Variants in RBM47 observed in about 807,000 individuals in gnomAD.
RBM47 encodes RNA-binding protein 47.
In RBM47, 21 loss-of-function variants were observed where a neutral mutation model predicts 47.1. The ratio of observed to expected loss-of-function variants is 0.45; its 90% CI spans 0.32 to 0.64. The LOEUF is 0.64. Ranked by LOEUF, RBM47 falls within the 30% of genes least tolerant of loss-of-function variation. The pLI is 0.05. For synonymous variants in RBM47, 375 were observed against 361.7 expected, an observed-to-expected ratio of 1.04 and a Z score of -0.42; for missense variants, 708 against 870.9, an observed-to-expected ratio of 0.81 and a Z score of 2.35.
intron 2 of RBM47, among the ~76,000 whole-genome samples, chr4:40,494,633 T>G (rs1171248096): frequency 6.6e-6 from 1 of 152,084 alleles, no homozygotes; most frequent in Non-Finnish European, 1.5e-5. Flanking sequence ...GGCTCTCAGG[T>G]GTAGCCCATA....
chr4:40,541,284 G>A (rs384210), intron 2 of RBM47, among the ~76,000 whole-genome samples: 30,255 of 149,392 alleles, frequency 0.2, 3,549 homozygotes, highest in African/African-American at 0.31. Context: ...AAAAAAAATC[G>A]CATCAAATTT....
At chr4:40,601,155 A>G (rs1000747289) in intron 1 of RBM47, among the ~76,000 whole-genome samples, 38 of 152,082 alleles carry the variant, frequency 2.5e-4, no homozygotes, top group Non-Finnish European at 1.6e-4. Context: ...CCAAATACCA[A>G]ATCAGGAAGA....
At chr4:40,451,485 T>C (rs979486849) in intron 3 of RBM47, among the ~76,000 whole-genome samples, 1 of 152,230 alleles carries the variant, frequency 6.6e-6, no homozygotes, top group East Asian at 1.9e-4. Context: ...CGCTGCTACA[T>C]GGACACATGA....
chr4:40,522,163 AAAATTTCCTTT>A (rs1202384938), intron 2 of RBM47, among the ~76,000 whole-genome samples: 1 of 152,192 alleles, frequency 6.6e-6, no homozygotes. Context: ...ACAGAGCATG[AAAATTTCCTTT>A]TTATGGTTTC....
At chr4:40,618,807 T>C (rs1364372022) in intron 1 of RBM47, among the ~76,000 whole-genome samples, 5 of 34,536 alleles carry the variant, frequency 1.4e-4, no homozygotes, top group East Asian at 1.5e-3. Flanking sequence ...AGACTCCATC[T>C]CAAAAAAAAA....
At chr4:40,471,098 G>T (rs1718796288) in intron 2 of RBM47, among the ~76,000 whole-genome samples, 1 of 152,104 alleles carries the variant, frequency 6.6e-6, no homozygotes, top group South Asian at 2.1e-4. Flanking sequence ...AGTACATGGG[G>T]TCCTAAAGCT....
rs753822591 is a variant in RBM47, at chr4:40,438,030, G to A, written c.864C>T (p.Phe288=). 7 of 1,613,686 alleles carry A rather than the reference G, an allele frequency of 4.3e-6. No homozygotes were observed. Among genetic ancestry groups the A allele is most frequent in the Non-Finnish European group, 5.1e-6 (6 of 1,180,034 alleles). Reference sequence around the variant, plus strand: ...CATGCACGGCATCCTCGCGGCTGGTGAAGTGCACGAAGGCGTAGTCGCGGA... The same window carrying A: ...CATGCACGGCATCCTCGCGGCTGGTAAAGTGCACGAAGGCGTAGTCGCGGA... ...KKIRDYAFVH[F]TSREDAVHAM... The change falls in exon 4 of 7, where the codon TTC becomes TTT. Residue 288 remains phenylalanine, a synonymous_variant. Coordinates refer to ENST00000295971, the MANE Select transcript of RBM47 (RefSeq NM_001098634.2).
At chr4:40,484,657 C>T (rs1296924747) in intron 2 of RBM47, among the ~76,000 whole-genome samples, 2 of 152,112 alleles carry the variant, frequency 1.3e-5, no homozygotes, top group African/African-American at 4.8e-5. Context: ...CCCTTTGTTC[C>T]CTTCAACCTC....
intron 2 of RBM47, among the ~76,000 whole-genome samples, chr4:40,467,446 C>G (rs944761520): frequency 1.3e-5 from 2 of 152,022 alleles, no homozygotes; most frequent in African/African-American, 4.8e-5. Flanking sequence ...CCCACCACCA[C>G]GCCTGGCTAA....
intron 2 of RBM47, among the ~76,000 whole-genome samples, chr4:40,516,715 G>A (rs1046833716): frequency 2.0e-5 from 3 of 152,206 alleles, no homozygotes; most frequent in African/African-American, 7.2e-5. Flanking sequence ...CAGGCCAGGG[G>A]CTGAGGTGGC....
At chr4:40,541,877 A>G (rs1728580788) in intron 2 of RBM47, among the ~76,000 whole-genome samples, 1 of 152,188 alleles carries the variant, frequency 6.6e-6, no homozygotes, top group Non-Finnish European at 1.5e-5. Flanking sequence ...TATTTAAAGC[A>G]TTATTTTTTA....
chr4:40,568,962 C>T lies in RBM47; in HGVS notation c.-239-24456G>A, dbSNP rs71608043. ...CGCCATTGCACTCCAGCCTGGGCGA[C>T]AATAGTGAGACTCTGTCTCAAAAGA... On this transcript the variant is annotated intron_variant, in intron 1 of 6. Coordinates refer to ENST00000295971, the MANE Select transcript of RBM47 (RefSeq NM_001098634.2). 4.2e-3 allele frequency among the ~76,000 whole-genome samples: 624 copies of T among 147,154 alleles called. 10 individuals are homozygous for T. Among genetic ancestry groups the T allele is most frequent in the South Asian group, 0.019 (92 of 4,758 alleles).
chr4:40,574,413 C>A (rs1246296719), intron 1 of RBM47, among the ~76,000 whole-genome samples: 1 of 152,166 alleles, frequency 6.6e-6, no homozygotes, highest in Admixed American at 6.6e-5. Context: ...AAAGAATTTC[C>A]AGATTCCAAA....
chr4:40,473,184 T>G (rs1286358260), intron 2 of RBM47, among the ~76,000 whole-genome samples: 1 of 152,194 alleles, frequency 6.6e-6, no homozygotes, highest in East Asian at 1.9e-4. Flanking sequence ...CACTAAGCAT[T>G]CCACATACAT....
intron 3 of RBM47, among the ~76,000 whole-genome samples, chr4:40,446,461 G>A (rs958014720): frequency 1.3e-5 from 2 of 152,148 alleles, no homozygotes; most frequent in Non-Finnish European, 2.9e-5. Context: ...CTTAAGGCTG[G>A]GCGTGGTGAC....
chr4:40,621,129 C>CT (rs776885888), intron 1 of RBM47, among the ~76,000 whole-genome samples: 11 of 151,930 alleles, frequency 7.2e-5, no homozygotes, highest in East Asian at 3.9e-4. Context: ...GTACTATTGC[C>CT]TTTTTTTTAC....
At chr4:40,435,679 G>A (rs1040689637) in intron 5 of RBM47, among the ~76,000 whole-genome samples, 6 of 152,016 alleles carry the variant, frequency 3.9e-5, no homozygotes, top group Admixed American at 3.9e-4. Flanking sequence ...TCTCAGAATG[G>A]GGCAATAAGC....
intron 2 of RBM47, chr4:40,544,208 G>A (rs992318383): frequency 5.3e-5 from 8 of 152,152 alleles, no homozygotes; most frequent in African/African-American, 1.9e-4. Flanking sequence ...TTTTGGCTGT[G>A]GGAGTCCTCT....
chr4:40,544,762 A>G (rs1728855266), intron 1 of RBM47, among the ~76,000 whole-genome samples: 1 of 152,174 alleles, frequency 6.6e-6, no homozygotes, highest in South Asian at 2.1e-4. Context: ...AAGACACTCA[A>G]GGAAAGAAAA....
Sources: gnomAD v4.1 joint callset for allele counts (sites outside exome capture counted in the v4.1 genomes callset) on GRCh38, gnomAD v4.1.1 for gene constraint, MANE v1.5 for transcripts, NCBI Gene and HGNC (gene_info 2026-07-23, HGNC 2026-07-21) for gene names.